Variants in PTPRD observed in about 807,000 individuals in gnomAD.
PTPRD encodes protein tyrosine phosphatase receptor type D, also known as receptor-type tyrosine-protein phosphatase delta.
PTPRD carries 34 observed loss-of-function variants against 214.5 expected under a neutral mutation model. The ratio of observed to expected loss-of-function variants is 0.16; its 90% CI spans 0.12 to 0.21. The LOEUF (loss-of-function observed/expected upper bound fraction) is 0.21, where lower values mean the gene tolerates loss of function less well. Among genes scored for constraint, PTPRD ranks in the 10% least tolerant of loss-of-function variants. The pLI, the probability that PTPRD is intolerant of heterozygous loss-of-function variation, is 1.00. For synonymous variants in PTPRD, 1,128 were observed against 845.7 expected (o/e 1.33, Z -5.79); for missense variants, 2,545 against 2,398.7 (o/e 1.06, Z -1.27).
intron 2 of PTPRD, among the ~76,000 whole-genome samples, chr9:10,570,884 T>C (rs530966044): frequency 1.1e-4 from 16 of 150,922 alleles, no homozygotes; most frequent in African/African-American, 3.7e-4. Context: ...GAGTCTTCTT[T>C]TTTTTTTTTT....
intron 5 of PTPRD, among the ~76,000 whole-genome samples, chr9:9,796,232 C>T (rs2099001617): frequency 6.6e-6 from 1 of 152,070 alleles, no homozygotes; most frequent in South Asian, 2.1e-4. Flanking sequence ...GCTGGGATAT[C>T]TGAGAAACGT....
At chr9:9,151,916 T>C (rs1208736934) in intron 10 of PTPRD, among the ~76,000 whole-genome samples, 3 of 152,222 alleles carry the variant, frequency 2.0e-5, no homozygotes, top group African/African-American at 7.2e-5. Flanking sequence ...AATGTGTTCA[T>C]TGTTTTCTGA....
At chr9:8,330,453 T>A (rs1839063809) in intron 44 of PTPRD, among the ~76,000 whole-genome samples, 1 of 152,186 alleles carries the variant, frequency 6.6e-6, no homozygotes, top group Admixed American at 6.5e-5. Context: ...TTTATTGTGG[T>A]AATCTGGAAC....
chr9:10,242,028 G>C (rs916573894), intron 3 of PTPRD, among the ~76,000 whole-genome samples: 1 of 151,848 alleles, frequency 6.6e-6, no homozygotes, highest in Non-Finnish European at 1.5e-5. Context: ...GGAGTAAAAG[G>C]CTAAAGAAAC....
intron 3 of PTPRD, among the ~76,000 whole-genome samples, chr9:10,284,856 T>A (rs891401800): frequency 2.0e-5 from 3 of 152,150 alleles, no homozygotes; most frequent in Non-Finnish European, 2.9e-5. Flanking sequence ...CCTGATAAGG[T>A]CACTTAAGGA....
At chr9:9,066,183 C>G (rs546933807) in intron 10 of PTPRD, among the ~76,000 whole-genome samples, 70 of 152,248 alleles carry the variant, frequency 4.6e-4, no homozygotes, top group African/African-American at 1.6e-3. Flanking sequence ...ATCCTACTCT[C>G]ATAAAATCAA....
intron 9 of PTPRD, among the ~76,000 whole-genome samples, chr9:9,339,024 G>C (rs940949221): frequency 2.6e-5 from 4 of 152,098 alleles, no homozygotes; most frequent in African/African-American, 9.7e-5. Context: ...ACGACAAATG[G>C]TCATATCCTC....
At chr9:9,260,251 G>A (rs141487698) in intron 9 of PTPRD, among the ~76,000 whole-genome samples, 1 of 151,918 alleles carries the variant, frequency 6.6e-6, no homozygotes, top group Non-Finnish European at 1.5e-5. Flanking sequence ...ATCAGCTAAA[G>A]CCCTGAACTT....
intron 2 of PTPRD, among the ~76,000 whole-genome samples, chr9:10,532,829 T>C (rs115039678): frequency 0.016 from 2,415 of 152,014 alleles, 66 homozygotes; most frequent in African/African-American, 0.056. Flanking sequence ...GTTGTGGTTT[T>C]CATGTATTTA....
At chr9:8,741,110 T>C (rs2154445308) in intron 11 of PTPRD, among the ~76,000 whole-genome samples, 1 of 152,296 alleles carries the variant, frequency 6.6e-6, no homozygotes, top group African/African-American at 2.4e-5. Context: ...AAATATTAGT[T>C]ATTTTCAAGG....
chr9:10,467,673 T>C (rs1316846248), intron 2 of PTPRD, among the ~76,000 whole-genome samples: 4 of 152,324 alleles, frequency 2.6e-5, no homozygotes, highest in Admixed American at 6.5e-5. Context: ...ATGGATGATA[T>C]ATATGTGTGT....
intron 3 of PTPRD, among the ~76,000 whole-genome samples, chr9:10,149,819 C>T (rs2099048566): frequency 6.6e-6 from 1 of 151,682 alleles, no homozygotes; most frequent in Non-Finnish European, 1.5e-5. Flanking sequence ...CAACCTTTGC[C>T]TCCCGGGTTC....
intron 14 of PTPRD, among the ~76,000 whole-genome samples, chr9:8,581,527 T>C (rs941660780): frequency 1.3e-5 from 2 of 151,720 alleles, no homozygotes; most frequent in Non-Finnish European, 2.9e-5. Context: ...GGTGGGCGGA[T>C]CACGAGGTCA....
At chr9:9,856,872 A>T (rs1343888672) in intron 5 of PTPRD, among the ~76,000 whole-genome samples, 1 of 152,234 alleles carries the variant, frequency 6.6e-6, no homozygotes, top group African/African-American at 2.4e-5. Flanking sequence ...GGAATGTACA[A>T]GGATAAAATG....
chr9:10,350,964 T>A (rs957923661), intron 2 of PTPRD, among the ~76,000 whole-genome samples: 1 of 152,056 alleles, frequency 6.6e-6, no homozygotes. Flanking sequence ...TGAGCTATGA[T>A]AATAGCAGAG....
rs773947916 is a variant in PTPRD at position 8,755,591 on chromosome 9, G to C, written c.-103-21645C>G. 3.3e-5 allele frequency among the ~76,000 whole-genome samples: 5 copies of C among 149,974 alleles called. No homozygotes were observed. In the East Asian group the frequency reaches 7.7e-4, roughly 23 times the overall value. Reference sequence around the variant, plus strand: ...AACTTACATATTCATCCAAACTAGAGTGAATAAATAAATTGTGGCATATTC... The same window carrying C: ...AACTTACATATTCATCCAAACTAGACTGAATAAATAAATTGTGGCATATTC... On this transcript the variant is annotated intron_variant, in intron 11 of 45. Coordinates refer to ENST00000381196, the MANE Select transcript of PTPRD (RefSeq NM_002839.4).
At chr9:10,056,384 C>A in intron 3 of PTPRD, among the ~76,000 whole-genome samples, 1 of 147,494 alleles carries the variant, frequency 6.8e-6, no homozygotes, top group Non-Finnish European at 1.5e-5. Flanking sequence ...TCTTCAGGTG[C>A]AAAAAGTATC....
intron 2 of PTPRD, among the ~76,000 whole-genome samples, chr9:10,382,524 TA>T (rs564033297): frequency 6.1e-4 from 92 of 152,014 alleles, no homozygotes; most frequent in African/African-American, 2.0e-3. Flanking sequence ...TTCCTGCTTT[TA>T]TGTTGTAGAA....
chr9:8,660,540 T>C (rs2097020154), intron 12 of PTPRD, among the ~76,000 whole-genome samples: 2 of 152,142 alleles, frequency 1.3e-5, no homozygotes, highest in South Asian at 4.1e-4. Flanking sequence ...TTGGCTCCCA[T>C]TTTCAGTTAT....
Sources: gnomAD v4.1 joint callset for allele counts (sites outside exome capture counted in the v4.1 genomes callset) on GRCh38, gnomAD v4.1.1 for gene constraint, MANE v1.5 for transcripts, NCBI Gene and HGNC (gene_info 2026-07-23, HGNC 2026-07-21) for gene names.